Variants in CLASP1 observed in about 807,000 individuals in gnomAD.
CLASP1 encodes CLIP-associating protein 1.
CLASP1 carries 38 observed loss-of-function variants against 192.3 expected under a neutral mutation model. The ratio of observed to expected loss-of-function variants is 0.20; its 90% CI spans 0.15 to 0.26. The LOEUF is 0.26. Ranked by LOEUF, CLASP1 falls within the 10% of genes least tolerant of loss-of-function variation. The probability of loss-of-function intolerance (pLI) is 1.00; values close to 1 mark genes in which losing one functional copy is unlikely to be tolerated. For synonymous variants in CLASP1, 691 were observed against 712.8 expected (o/e 0.97, Z 0.49); for missense variants, 1,433 against 1,932.5 (o/e 0.74, Z 4.85).
At position 121,387,777 on chromosome 2, in the gene CLASP1, TG is replaced by T; in HGVS notation, c.3252del (p.Ser1085ValfsTer27). ...AAAGCACTCACCACACTGGTGTTAC[TG>T]GAATTCTTGAGGTGGTTGTGCAGGA... On this transcript the variant is annotated frameshift_variant, in exon 31 of 40. Transcript: ENST00000263710. LOFTEE classifies it high-confidence loss of function. 6.2e-7 allele frequency: 1 copy of T among 1,614,002 alleles called. No individual in the cohort carries two copies. The highest frequency in any genetic ancestry group is 8.5e-7 in the Non-Finnish European group (1 of 1,179,876).
chr2:121,639,335 C>G (rs1322635497), intron 1 of CLASP1, among the ~76,000 whole-genome samples: 2 of 151,990 alleles, frequency 1.3e-5, no homozygotes, highest in Non-Finnish European at 2.9e-5. Flanking sequence ...AAGCCAGTCA[C>G]AAAAGGAAAA....
chr2:121,444,944 G>A (rs113682265), intron 19 of CLASP1: 13 of 1,359,382 alleles, frequency 9.6e-6, no homozygotes, highest in African/African-American at 1.5e-5. Flanking sequence ...CTTACCCTCC[G>A]CTTTAGTGGT....
intron 34 of CLASP1, among the ~76,000 whole-genome samples, chr2:121,374,065 C>T (rs2069387584): frequency 6.6e-6 from 1 of 152,216 alleles, no homozygotes; most frequent in African/African-American, 2.4e-5. Flanking sequence ...CTTGGCAGCC[C>T]CTCCCATCAC....
intron 1 of CLASP1, among the ~76,000 whole-genome samples, chr2:121,619,769 G>T (rs1288177616): frequency 2.6e-5 from 4 of 152,018 alleles, no homozygotes; most frequent in African/African-American, 4.8e-5. Context: ...CTCCTCCTGT[G>T]GTAGGTTTAG....
At chr2:121,553,585 C>T (rs976902235) in intron 2 of CLASP1, among the ~76,000 whole-genome samples, 1 of 152,034 alleles carries the variant, frequency 6.6e-6, no homozygotes, top group Non-Finnish European at 1.5e-5. Context: ...CCTGTAGTCC[C>T]AGCTACTAGG....
chr2:121,597,335 T>A (rs533504946), intron 2 of CLASP1, among the ~76,000 whole-genome samples: 1 of 152,170 alleles, frequency 6.6e-6, no homozygotes, highest in Non-Finnish European at 1.5e-5. Flanking sequence ...CCATAGACTA[T>A]CATTATTATT....
intron 2 of CLASP1, among the ~76,000 whole-genome samples, chr2:121,589,428 G>C (rs1195272365): frequency 1.3e-5 from 2 of 152,112 alleles, no homozygotes; most frequent in Non-Finnish European, 2.9e-5. Flanking sequence ...TCAAGAGTTT[G>C]AGATCCGCCT....
At chr2:121,629,298 G>A (rs920555275) in intron 1 of CLASP1, among the ~76,000 whole-genome samples, 3 of 151,896 alleles carry the variant, frequency 2.0e-5, no homozygotes, top group Admixed American at 1.3e-4. Context: ...GCTGAGGTGG[G>A]AGAATGGCAT....
intron 18 of CLASP1, among the ~76,000 whole-genome samples, chr2:121,448,028 G>A (rs866121026): frequency 4.0e-4 from 61 of 152,342 alleles, no homozygotes; most frequent in African/African-American, 1.4e-3. Context: ...ACATGCAGGG[G>A]AGGTGGAGAG....
intron 2 of CLASP1, among the ~76,000 whole-genome samples, chr2:121,535,681 C>G (rs1282727025): frequency 6.6e-6 from 1 of 151,234 alleles, no homozygotes; most frequent in East Asian, 1.9e-4. Flanking sequence ...TAGGATCATG[C>G]TCTGTCACCC....
At chr2:121,459,267 A>C (rs1412893614) in intron 12 of CLASP1, among the ~76,000 whole-genome samples, 1 of 151,988 alleles carries the variant, frequency 6.6e-6, no homozygotes, top group Admixed American at 6.6e-5. Flanking sequence ...GGCTCAATCA[A>C]TCCTCCCACT....
intron 30 of CLASP1, 40 bp downstream of exon 31, chr2:121,397,100 G>A: frequency 1.2e-6 from 2 of 1,605,770 alleles, no homozygotes; most frequent in South Asian, 1.1e-5. Context: ...CACAAGCCCA[G>A]GAACAATCTG....
At chr2:121,425,050 T>C (rs2080152531) in intron 22 of CLASP1, 89 bp downstream of exon 22, 1 of 1,297,644 alleles carries the variant, frequency 7.7e-7, no homozygotes, top group Admixed American at 2.4e-5. Flanking sequence ...AATAGATCTA[T>C]ATTTCCTACA....
chr2:121,585,927 C>A (rs2061672606), intron 2 of CLASP1, among the ~76,000 whole-genome samples: 1 of 151,330 alleles, frequency 6.6e-6, no homozygotes, highest in Admixed American at 6.6e-5. Context: ...GTCTTTCAAC[C>A]AAGATACTTA....
intron 2 of CLASP1, among the ~76,000 whole-genome samples, chr2:121,586,959 TG>T (rs1440960814): frequency 6.6e-6 from 1 of 152,148 alleles, no homozygotes; most frequent in African/African-American, 2.4e-5. Flanking sequence ...AGAATAGATC[TG>T]GGCTGGGCAC....
intron 2 of CLASP1, among the ~76,000 whole-genome samples, chr2:121,556,530 A>C (rs2058586946): frequency 6.6e-6 from 1 of 152,098 alleles, no homozygotes; most frequent in African/African-American, 2.4e-5. Flanking sequence ...GTATGCCTGC[A>C]ATGCTCTTCC....
At chr2:121,473,947 T>A (rs1199722047) in intron 8 of CLASP1, among the ~76,000 whole-genome samples, 1 of 152,152 alleles carries the variant, frequency 6.6e-6, no homozygotes, top group Non-Finnish European at 1.5e-5. Flanking sequence ...AACAGGAAGA[T>A]CTTCAGGCAA....
chr2:121,343,438 A>G (rs2063034457), intron 39 of CLASP1, among the ~76,000 whole-genome samples: 1 of 152,186 alleles, frequency 6.6e-6, no homozygotes, highest in African/African-American at 2.4e-5. Context: ...TCAACAGATG[A>G]GCAGATAAAC....
At chr2:121,638,671 T>C (rs1368666316) in intron 1 of CLASP1, among the ~76,000 whole-genome samples, 1 of 118,116 alleles carries the variant, frequency 8.5e-6, no homozygotes, top group Non-Finnish European at 1.7e-5. Context: ...TTCTTTTTTA[T>C]TTTTTTTTTT....
Sources: allele counts gnomAD v4.1 joint callset (sites outside exome capture counted in the v4.1 genomes callset), GRCh38; gene constraint gnomAD v4.1.1; transcripts MANE v1.5; gene names NCBI Gene and HGNC (gene_info 2026-07-23, HGNC 2026-07-21).